Variants in FRMD6 observed in about 807,000 individuals in gnomAD.
FRMD6 encodes FERM domain containing 6, also known as FERM domain-containing protein 6.
FRMD6 carries 37 observed loss-of-function variants against 73.2 expected under a neutral mutation model. That is an observed-to-expected ratio of 0.51 (90% CI 0.39 to 0.66). FRMD6 has a LOEUF of 0.66. FRMD6 is among the 30% of genes least tolerant of loss of function. FRMD6 has a pLI of 0.00. For synonymous variants in FRMD6, 273 were observed against 282.2 expected (o/e 0.97, Z 0.33); for missense variants, 714 against 780.5 (o/e 0.91, Z 1.02).
chr14:51,424,375 A>G, the FRMD6 span, among the ~76,000 whole-genome samples: 1 of 152,262 alleles, frequency 6.6e-6, no homozygotes, highest in East Asian at 1.9e-4. Context: ...TATAAGAATT[A>G]TCAAGAGCAC....
intron 6 of FRMD6, among the ~76,000 whole-genome samples, chr14:51,705,578 C>G (rs1198269508): frequency 1.3e-5 from 2 of 152,124 alleles, no homozygotes; most frequent in African/African-American, 4.8e-5. Flanking sequence ...TTCTCACCCA[C>G]CCATCCTTGA....
chr14:51,701,208 G>A (rs1004813034), intron 4 of FRMD6, 49 bp downstream of exon 4: 9 of 1,130,284 alleles, frequency 8.0e-6, no homozygotes, highest in East Asian at 5.3e-5. Context: ...TTTAAAAAAT[G>A]TTTATTTTAG....
At chr14:51,423,859 G>C in the FRMD6 span, among the ~76,000 whole-genome samples, 3 of 152,188 alleles carry the variant, frequency 2.0e-5, no homozygotes, top group African/African-American at 7.2e-5. Context: ...GGCTGTTACT[G>C]TAAGTGGCTA....
At chr14:51,547,049 G>A (rs886894456) in intron 1 of FRMD6, among the ~76,000 whole-genome samples, 1 of 152,006 alleles carries the variant, frequency 6.6e-6, no homozygotes, top group African/African-American at 2.4e-5. Context: ...TAGAAATTTT[G>A]AAAGCAGTAG....
chr14:51,725,951 G>A (rs1384062484), intron 13 of FRMD6, 81 bp downstream of exon 13: 13 of 944,954 alleles, frequency 1.4e-5, no homozygotes, highest in Non-Finnish European at 2.2e-5. Context: ...TTATACAAAT[G>A]AGCAAAAATT....
chr14:51,467,238 AC>A, the FRMD6 span, among the ~76,000 whole-genome samples: 83,262 of 151,934 alleles, frequency 0.55, 23,073 homozygotes, highest in East Asian at 0.7. Flanking sequence ...AATCCATTTA[AC>A]CCTTAGTGGA....
At position 51,636,915 on chromosome 14, in the gene FRMD6, A is replaced by G. The variant is rs897091007; in HGVS notation, c.-146-52776A>G. Among the ~76,000 whole-genome samples the G allele has an allele frequency of 2.0e-5, 3 of 152,222 alleles. No individual in the cohort carries two copies. The East Asian group carries it at 5.8e-4, about 29-fold the overall frequency. ...TTCTGAAACATTTTCTCACATTAAT[A>G]AACATTTTAAGTAAATAGTAATTGT... On this transcript the variant is annotated intron_variant, in intron 2 of 14. Transcript: ENST00000356218.
intron 2 of FRMD6, among the ~76,000 whole-genome samples, chr14:51,582,320 G>A (rs1888770627): frequency 6.6e-6 from 1 of 152,142 alleles, no homozygotes; most frequent in Non-Finnish European, 1.5e-5. Flanking sequence ...CGTCAGGATA[G>A]TCCGTCGTCC....
chr14:51,660,625 A>AAC (rs1555332476), intron 1 of FRMD6, among the ~76,000 whole-genome samples: 1 of 151,810 alleles, frequency 6.6e-6, no homozygotes, highest in Non-Finnish European at 1.5e-5. Flanking sequence ...AAAAAAAAAA[A>AAC]AAAAAATTCT....
At chr14:51,476,609 C>A in the FRMD6 span, among the ~76,000 whole-genome samples, 3 of 152,022 alleles carry the variant, frequency 2.0e-5, no homozygotes, top group East Asian at 5.8e-4. Context: ...GAGAGATGCC[C>A]AAAGGGGACC....
Position 51,613,067 on chromosome 14 carries a change from C to A in FRMD6, c.-147+42657C>A, listed in dbSNP as rs565157602. On this transcript the variant is annotated intron_variant, in intron 2 of 14. Coordinates refer to the FRMD6 transcript ENST00000356218. ...AAGTATATAGGAAGGAGAGTGGAGA[C>A]GAAACCAGAATTGAGACAGTTTATG... Among the ~76,000 whole-genome samples, 447 of 152,084 alleles carry A rather than the reference C, an allele frequency of 2.9e-3. 10 individuals are homozygous for A. The highest frequency in any genetic ancestry group is 1.0e-3 in the Non-Finnish European group (68 of 67,988).
intron 1 of FRMD6, among the ~76,000 whole-genome samples, chr14:51,653,241 A>G (rs1455804533): frequency 6.6e-6 from 1 of 152,096 alleles, no homozygotes; most frequent in African/African-American, 2.4e-5. Context: ...GGACCGGGCA[A>G]TGTTTGTTTA....
chr14:51,579,696 C>T (rs1014863380), intron 2 of FRMD6, among the ~76,000 whole-genome samples: 8 of 152,184 alleles, frequency 5.3e-5, no homozygotes, highest in Admixed American at 5.2e-4. Context: ...GGTCCTTACT[C>T]ATTGTTGAAT....
chr14:51,486,935 C>T (rs904592349), upstream of FRMD6, among the ~76,000 whole-genome samples: 6 of 84,494 alleles, frequency 7.1e-5, no homozygotes, highest in Admixed American at 6.4e-4. Context: ...GGTATAAAAC[C>T]GTTTTTTTTT....
At chr14:51,465,109 A>C in the FRMD6 span, among the ~76,000 whole-genome samples, 1 of 152,244 alleles carries the variant, frequency 6.6e-6, no homozygotes, top group African/African-American at 2.4e-5. Context: ...CAGATAATGC[A>C]AGGGACAGGT....
intron 1 of FRMD6, among the ~76,000 whole-genome samples, chr14:51,652,824 A>G (rs1294807048): frequency 6.6e-6 from 1 of 152,206 alleles, no homozygotes; most frequent in Non-Finnish European, 1.5e-5. Flanking sequence ...GTGTAAGTGT[A>G]AAGTCTACAG....
At chr14:51,652,757 C>T (rs1892517984) in intron 1 of FRMD6, among the ~76,000 whole-genome samples, 2 of 152,176 alleles carry the variant, frequency 1.3e-5, no homozygotes, top group South Asian at 4.1e-4. Context: ...ACAGGAGCAC[C>T]GGATTCGGCT....
intron 12 of FRMD6, among the ~76,000 whole-genome samples, chr14:51,725,084 A>G (rs1006972963): frequency 6.6e-6 from 1 of 152,206 alleles, no homozygotes; most frequent in African/African-American, 2.4e-5. Flanking sequence ...GTATGTGCCA[A>G]GTGTCCCATC....
At chr14:51,483,631 G>T in the FRMD6 span, among the ~76,000 whole-genome samples, 1 of 152,192 alleles carries the variant, frequency 6.6e-6, no homozygotes, top group East Asian at 1.9e-4. Context: ...GGCCTTGTAG[G>T]CTAAAGTAAG....
Sources: gnomAD v4.1 joint callset for allele counts (sites outside exome capture counted in the v4.1 genomes callset) on GRCh38, gnomAD v4.1.1 for gene constraint, MANE v1.5 for transcripts, NCBI Gene and HGNC (gene_info 2026-07-23, HGNC 2026-07-21) for gene names.